PDGFRA: variants seen among roughly 807,000 people sequenced by gnomAD.
The protein encoded by PDGFRA is platelet-derived growth factor receptor alpha.
PDGFRA carries 25 observed loss-of-function variants against 121.5 expected under a neutral mutation model. That is an observed-to-expected ratio of 0.21 (90% CI 0.15 to 0.29). The LOEUF is 0.29. Ranked by LOEUF, PDGFRA falls within the 10% of genes least tolerant of loss-of-function variation. PDGFRA has a pLI of 1.00. For missense variants in PDGFRA, 1,008 were observed against 1,345.1 expected, an observed-to-expected ratio of 0.75 and a Z score of 3.92; for synonymous variants, 463 against 494.8, an observed-to-expected ratio of 0.94 and a Z score of 0.85.
intron 1 of PDGFRA, among the ~76,000 whole-genome samples, chr4:54,253,043 G>T (rs1722143042): frequency 6.6e-6 from 1 of 151,528 alleles, no homozygotes; most frequent in African/African-American, 2.4e-5. Flanking sequence ...GCTCATCTTT[G>T]AATGGTCTTT....
In PDGFRA at chr4:54,295,645, A is replaced by T. The variant is rs981376205; in HGVS notation, c.*373A>T. ...TGTAATTATGTAAATAACTCTAACC[A>T]AGGCTGTGTTTAGATTGTATTAACT... On this transcript the variant is annotated 3_prime_UTR_variant, in exon 23 of 23. Coordinates refer to ENST00000257290, the MANE Select transcript of PDGFRA (RefSeq NM_006206.6). 1 of 376,402 alleles carries T rather than the reference A, an allele frequency of 2.7e-6. No individual in the cohort carries two copies. The highest frequency in any genetic ancestry group is 4.9e-6 in the Non-Finnish European group (1 of 202,400). The allele number at this position is 376,402 out of a possible 1,614,324, so 23.3% of individuals were successfully genotyped here.
intron 22 of PDGFRA, among the ~76,000 whole-genome samples, chr4:54,291,983 A>G (rs922345869): frequency 6.6e-5 from 10 of 152,190 alleles, no homozygotes; most frequent in African/African-American, 2.4e-4. Flanking sequence ...ATCTCCCACC[A>G]GTCAGAATGG....
At chr4:54,277,096 C>A in intron 12 of PDGFRA, 1 of 457,496 alleles carries the variant, frequency 2.2e-6, no homozygotes, top group Non-Finnish European at 4.0e-6. Flanking sequence ...AGGGGCTGGC[C>A]CAGCACGGAG....
intron 16 of PDGFRA, among the ~76,000 whole-genome samples, chr4:54,284,776 G>A (rs548269162): frequency 3.4e-5 from 5 of 145,790 alleles, no homozygotes; most frequent in Admixed American, 7.1e-5. Flanking sequence ...TTTGGGTGGG[G>A]ACACATATCC....
chr4:54,258,449 A>T (rs897231078), intron 1 of PDGFRA, among the ~76,000 whole-genome samples: 6 of 151,872 alleles, frequency 4.0e-5, no homozygotes, highest in African/African-American at 7.3e-5. Flanking sequence ...GCTGAGAAAA[A>T]ATATATATAT....
At chr4:54,280,658 A>T in intron 16 of PDGFRA, 176 bp downstream of exon 16, 1 of 545,846 alleles carries the variant, frequency 1.8e-6, no homozygotes, top group Non-Finnish European at 3.3e-6. Flanking sequence ...TGTGGCCTGT[A>T]AATTGAAAAG....
chr4:54,264,500 G>A (rs1254471555), intron 4 of PDGFRA: 1 of 278,700 alleles, frequency 3.6e-6, no homozygotes, highest in African/African-American at 2.3e-5. Flanking sequence ...AAAGTACTGA[G>A]AATAACTGAG....
chr4:54,278,028 G>A (rs2110312545), intron 14 of PDGFRA, 22 bp downstream of exon 14: 1 of 1,402,392 alleles, frequency 7.1e-7, no homozygotes, highest in Non-Finnish European at 1.0e-6. Context: ...GACCTGGAGT[G>A]AGGATTTTCA....
chr4:54,290,536 G>C lies in PDGFRA; in HGVS notation c.3104G>C (p.Gly1035Ala), dbSNP rs777886441. The C allele has an allele frequency of 6.2e-7, 1 of 1,614,102 alleles. No individual in the cohort carries two copies. Among genetic ancestry groups the C allele is most frequent in the Admixed American group, 1.7e-5 (1 of 60,014 alleles). Residue 1035 changes from glycine to alanine, a missense_variant, in exon 22 of 23, where the codon GGC becomes GCC. Coordinates refer to ENST00000257290, the MANE Select transcript of PDGFRA (RefSeq NM_006206.6). ...CCTGTCCCTGAGGAGGAGGACCTGG[G>C]CAAGAGGAACAGACACAGGTAGCTG... ...IDPVPEEEDLGKRNRHSSQTS... is the reference protein window; with the variant it reads ...IDPVPEEEDLAKRNRHSSQTS...
chr4:54,290,181 A>C, intron 21 of PDGFRA, 132 bp from the exon 22 acceptor site: 1 of 759,300 alleles, frequency 1.3e-6, no homozygotes, highest in Non-Finnish European at 2.3e-6. Context: ...ACTCTCCTTC[A>C]ACTAAGTCCC....
Position 54,267,338 on chromosome 4 carries a change from A to T in PDGFRA, c.809A>T (p.Lys270Ile). 1 of 1,614,152 alleles carries T rather than the reference A, an allele frequency of 6.2e-7. No homozygotes were observed. The highest frequency in any genetic ancestry group is 8.5e-7 in the Non-Finnish European group (1 of 1,180,014). ...MLEEIKVPSI[K>I]LVYTLTVPEA... ...GAAGAAATCAAAGTCCCATCCATCA[A>T]ATTGGTGTACACTTTGACGGTCCCC... The change falls in exon 6 of 23, where the codon AAA (lysine) becomes ATA (isoleucine). Residue 270 changes from lysine (K) to isoleucine (I), a missense_variant. Physicochemically the swap from Lys to Ile is moderately radical, Grantham distance 102. This residue lies in a region of PDGFRA where 575 missense variants were observed against 701.8 expected (regional missense o/e 0.82). Transcript: ENST00000257290.
intron 8 of PDGFRA, among the ~76,000 whole-genome samples, chr4:54,271,957 TCCCC>T (rs1560477021): frequency 1.8e-3 from 12 of 6,718 alleles, no homozygotes; most frequent in Admixed American, 4.1e-3. Context: ...TCCTTCATTC[TCCCC>T]TCCCCTCCCC....
chr4:54,278,164 C>A, intron 14 of PDGFRA, 158 bp downstream of exon 14: 1 of 683,084 alleles, frequency 1.5e-6, no homozygotes, highest in Admixed American at 2.4e-5. Flanking sequence ...GATGGAAGCT[C>A]ATTGGTTTTT....
intron 1 of PDGFRA, among the ~76,000 whole-genome samples, chr4:54,255,698 G>T (rs1482911967): frequency 1.3e-5 from 2 of 151,758 alleles, no homozygotes; most frequent in Non-Finnish European, 2.9e-5. Context: ...GTAGAGACAG[G>T]GTTTCACCGT....
intron 1 of PDGFRA, among the ~76,000 whole-genome samples, chr4:54,255,087 A>T (rs1341698347): frequency 1.3e-5 from 2 of 152,176 alleles, no homozygotes; most frequent in African/African-American, 4.8e-5. Context: ...GCCTTGTATT[A>T]GAATTTTGGC....
intron 13 of PDGFRA, among the ~76,000 whole-genome samples, 170 bp from the exon 14 acceptor site, chr4:54,277,726 A>C (rs948081586): frequency 6.6e-6 from 1 of 152,236 alleles, no homozygotes; most frequent in African/African-American, 2.4e-5. Flanking sequence ...TTTACTAGAA[A>C]GACCAGGAAT....
chr4:54,291,248 C>A (rs889560119), intron 22 of PDGFRA, among the ~76,000 whole-genome samples: 15 of 152,136 alleles, frequency 9.9e-5, no homozygotes, highest in Non-Finnish European at 2.2e-4. Context: ...TGTTTGGAAG[C>A]AAATCCTAGA....
intron 15 of PDGFRA, chr4:54,279,029 G>A: frequency 2.9e-6 from 1 of 346,326 alleles, no homozygotes; most frequent in Non-Finnish European, 5.9e-6. Flanking sequence ...TAAATTACTT[G>A]GTGGACACCA....
chr4:54,288,951 G>A (rs1724492904), intron 20 of PDGFRA, 53 bp downstream of exon 20: 11 of 1,520,836 alleles, frequency 7.2e-6, no homozygotes, highest in Non-Finnish European at 9.1e-6. Flanking sequence ...TGGGTCTAGG[G>A]GGAGGGAGGG....
Sources: allele counts gnomAD v4.1 joint callset (sites outside exome capture counted in the v4.1 genomes callset), GRCh38; gene constraint gnomAD v4.1.1; regional missense constraint gnomAD v4.1.1; transcripts MANE v1.5; gene names NCBI Gene and HGNC (gene_info 2026-07-23, HGNC 2026-07-21).